PLSCR5: variants seen among roughly 807,000 people sequenced by gnomAD.
PLSCR5 encodes the protein phospholipid scramblase family member 5, also known as phospholipid scramblase family, member 5.
PLSCR5 carries 44 observed loss-of-function variants against 33.6 expected under a neutral mutation model. The ratio of observed to expected loss-of-function variants is 1.31; its 90% confidence interval spans 1.03 to 1.69. The LOEUF (loss-of-function observed/expected upper bound fraction) is 1.69, where lower values mean the gene tolerates loss of function less well. Ranked by LOEUF, PLSCR5 falls within the 40% of genes most tolerant of loss-of-function variation. The probability of loss-of-function intolerance (pLI) is 0.00; values close to 1 mark genes in which losing one functional copy is unlikely to be tolerated. For synonymous variants in PLSCR5, 148 were observed against 112.3 expected (o/e 1.32, Z -2.01); for missense variants, 375 against 318.7 (o/e 1.18, Z -1.34).
chr3:146,603,157 A>G (rs920905027), intron 1 of PLSCR5, among the ~76,000 whole-genome samples: 2 of 152,136 alleles, frequency 1.3e-5, no homozygotes, highest in African/African-American at 4.8e-5. Flanking sequence ...TTGGTTTAGT[A>G]GTGCTGATTG....
chr3:146,577,937 A>T (rs1431391112), intron 7 of PLSCR5, among the ~76,000 whole-genome samples: 4 of 152,164 alleles, frequency 2.6e-5, no homozygotes, highest in African/African-American at 9.6e-5. Flanking sequence ...ACTGGATTTT[A>T]AAAAGTAACA....
chr3:146,598,382 G>C (rs1354570520), intron 2 of PLSCR5, among the ~76,000 whole-genome samples: 1 of 152,154 alleles, frequency 6.6e-6, no homozygotes, highest in Non-Finnish European at 1.5e-5. Context: ...CTGCTTTAAA[G>C]TAAAGTAAAT....
chr3:146,584,667 C>T (rs956320780), downstream of PLSCR5, among the ~76,000 whole-genome samples: 24 of 152,000 alleles, frequency 1.6e-4, no homozygotes, highest in African/African-American at 5.3e-4. Context: ...GAAAAAGAAA[C>T]TGAAGAATAC....
intron 7 of PLSCR5, among the ~76,000 whole-genome samples, chr3:146,578,280 T>C (rs1279638550): frequency 1.3e-5 from 2 of 152,130 alleles, no homozygotes; most frequent in African/African-American, 4.8e-5. Flanking sequence ...TTGGCTACTT[T>C]ATCTATTATG....
At chr3:146,592,828 A>G (rs1210618925) in intron 4 of PLSCR5, among the ~76,000 whole-genome samples, 1 of 152,122 alleles carries the variant, frequency 6.6e-6, no homozygotes, top group Non-Finnish European at 1.5e-5. Flanking sequence ...TTAAAGAAAA[A>G]GTTAATTATC....
intron 2 of PLSCR5, among the ~76,000 whole-genome samples, chr3:146,595,987 A>G (rs539435910): frequency 6.6e-6 from 1 of 152,340 alleles, no homozygotes; most frequent in African/African-American, 2.4e-5. Context: ...CCAACAAAAT[A>G]CCAATTTAAG....
rs752798082 is a variant in PLSCR5, at chr3:146,594,080, A to T, written c.293T>A (p.Ile98Asn). ...YEIKNSLGQR[I>N]YFAVEESICF... ...GATGCTTTCCTCCACTGCAAAGTAA[A>T]TTCTTTGTCCCAAGCTGTTTTTAAT... is the stretch of plus-strand genomic sequence containing the variant. The change falls in exon 4 of 8, where the codon ATT (isoleucine) becomes AAT (asparagine). Residue 98 changes from isoleucine (I) to asparagine (N), a missense_variant. By Grantham distance (149) the Ile-to-Asn change is moderately radical. Transcript: ENST00000443512. The T allele has an allele frequency of 1.2e-6, 2 of 1,613,800 alleles. No individual in the cohort carries two copies. The highest frequency in any genetic ancestry group is 1.7e-6 in the Non-Finnish European group (2 of 1,179,792).
chr3:146,597,684 T>C (rs761156419), intron 2 of PLSCR5, among the ~76,000 whole-genome samples: 1 of 152,196 alleles, frequency 6.6e-6, no homozygotes, highest in Non-Finnish European at 1.5e-5. Context: ...TTTCTATTCA[T>C]TGATAGACTA....
At chr3:146,588,228 T>A (rs2044680612) in intron 6 of PLSCR5, among the ~76,000 whole-genome samples, 1 of 152,140 alleles carries the variant, frequency 6.6e-6, no homozygotes, top group Admixed American at 6.5e-5. Context: ...CCCAGCACTT[T>A]GGGAGGCCAA....
chr3:146,605,097 C>T, intron 1 of PLSCR5, 103 bp downstream of exon 1: 1 of 1,174,606 alleles, frequency 8.5e-7, no homozygotes, highest in Non-Finnish European at 1.2e-6. Flanking sequence ...TGACAAATGA[C>T]AGCTTTTAAA....
intron 2 of PLSCR5, among the ~76,000 whole-genome samples, chr3:146,595,764 A>T (rs1328523051): frequency 3.3e-5 from 5 of 152,194 alleles, no homozygotes; most frequent in Admixed American, 3.3e-4. Context: ...TTACAACTCA[A>T]TTTTTTTAGA....
chr3:146,605,324 C>A lies in PLSCR5; in HGVS notation c.-112G>T. ...GCACAAAACTTCAGAACGTGTTTGT[C>A]TGCCTCTTGTCAGCTTACATATAAC... On this transcript the variant is annotated 5_prime_UTR_variant, in exon 1 of 8. Coordinates refer to ENST00000443512, the MANE Select transcript of PLSCR5 (RefSeq NM_001085420.2). 6.3e-7 allele frequency: 1 copy of A among 1,576,796 alleles called. No homozygotes were observed. The highest frequency in any genetic ancestry group is 8.6e-7 in the Non-Finnish European group (1 of 1,160,768).
chr3:146,590,040 T>C (rs934552222), intron 5 of PLSCR5: 26 of 325,370 alleles, frequency 8.0e-5, no homozygotes, highest in Non-Finnish European at 1.3e-4. Context: ...TCCATCATAA[T>C]TCTTTTTCTT....
chr3:146,588,603 T>C (rs1449386750), intron 6 of PLSCR5, among the ~76,000 whole-genome samples: 1 of 151,900 alleles, frequency 6.6e-6, no homozygotes, highest in South Asian at 2.1e-4. Flanking sequence ...CAGTTCCAGG[T>C]GAAAAGAAAC....
In PLSCR5 at chr3:146,591,767, C is replaced by T. The variant is rs764719973; in HGVS notation, c.568G>A (p.Val190Ile). 2 of 1,611,994 alleles carry T rather than the reference C, an allele frequency of 1.2e-6. No individual in the cohort carries two copies. The highest frequency in any genetic ancestry group is 1.7e-6 in the Non-Finnish European group (2 of 1,178,846). ...NANKEDILKI[V>I]GPCVTCGCFG... ...CAGCCACATGTCACACAAGGACCAA[C>T]AATTTTCAAAATATCTTCTTTGTTT... Residue 190 changes from valine to isoleucine, a missense_variant, in exon 5 of 8, where the codon GTT becomes ATT. By Grantham distance (29) the Val-to-Ile change is conservative (BLOSUM62 3). Coordinates refer to ENST00000443512, the MANE Select transcript of PLSCR5 (RefSeq NM_001085420.2).
intron 6 of PLSCR5, among the ~76,000 whole-genome samples, chr3:146,588,026 T>A (rs955872658): frequency 6.6e-6 from 1 of 152,064 alleles, no homozygotes; most frequent in Non-Finnish European, 1.5e-5. Context: ...AGATTTAGCA[T>A]TCTGAAACCC....
At chr3:146,586,466 A>T (rs996868350) in intron 6 of PLSCR5, among the ~76,000 whole-genome samples, 2 of 152,202 alleles carry the variant, frequency 1.3e-5, no homozygotes, top group African/African-American at 4.8e-5. Flanking sequence ...TGGAAACTTT[A>T]TCTAAATCTG....
rs1194340701 is a variant in PLSCR5 at position 146,605,182 on chromosome 3, G to C, written c.13+18C>G. Reference sequence around the variant, plus strand: ...TTAATATAAGAAAAAGTTATTAGTTGGTTATATTTACTCTTACCTTTAGAG... The same window carrying C: ...TTAATATAAGAAAAAGTTATTAGTTCGTTATATTTACTCTTACCTTTAGAG... On this transcript the variant is annotated intron_variant, in intron 1 of 7. Coordinates refer to ENST00000443512, the MANE Select transcript of PLSCR5 (RefSeq NM_001085420.2). The C allele has an allele frequency of 6.2e-7, 1 of 1,602,440 alleles. No homozygotes were observed. Among genetic ancestry groups the C allele is most frequent in the Admixed American group, 1.7e-5 (1 of 59,608 alleles).
rs1169064034 is a variant in PLSCR5, at chr3:146,593,965, C to T, written c.408G>A (p.Arg136=). ...NSGREVITVN[R]PLRCNSCWCP... ...ACCAGCAGCTGTTACATCTCAAGGG[C>T]CTGTTCACTGTAATGACCTCTCGAC... Residue 136 remains arginine, a synonymous_variant, in exon 4 of 8, where the codon AGG becomes AGA. Transcript: ENST00000443512. 3.1e-6 allele frequency: 5 copies of T among 1,613,642 alleles called. No homozygotes were observed. Among genetic ancestry groups the T allele is most frequent in the South Asian group, 1.1e-5 (1 of 91,074 alleles).
Sources: gnomAD v4.1 joint callset for allele counts (sites outside exome capture counted in the v4.1 genomes callset) on GRCh38, gnomAD v4.1.1 for gene constraint, MANE v1.5 for transcripts, NCBI Gene and HGNC (gene_info 2026-07-23, HGNC 2026-07-21) for gene names.